GPR26: variants seen among roughly 807,000 people sequenced by gnomAD.
GPR26 encodes the protein G protein-coupled receptor 26.
GPR26 carries 15 observed loss-of-function variants against 23.1 expected under a neutral mutation model. The observed-to-expected ratio is 0.65, with a 90% confidence interval of 0.43 to 1.00. The LOEUF is 1.00. Among genes scored for constraint, GPR26 ranks in the 50% least tolerant of loss-of-function variants. The probability of loss-of-function intolerance (pLI) is 0.00; values close to 1 mark genes in which losing one functional copy is unlikely to be tolerated. For missense variants in GPR26, 359 were observed against 470.5 expected, an observed-to-expected ratio of 0.76 and a Z score of 2.19; for synonymous variants, 228 against 222.1, an observed-to-expected ratio of 1.03 and a Z score of -0.24.
At chr10:123,675,833 C>CGTGTGTGTGTGTACGTGTGTGTGT (rs1554863877) in intron 2 of GPR26, among the ~76,000 whole-genome samples, 1 of 134,096 alleles carries the variant, frequency 7.5e-6, no homozygotes, top group Non-Finnish European at 1.6e-5. Context: ...TGTGTGTGTA[C>CGTGTGTGTGTGTACGTGTGTGTGT]GTGTGTGTGT....
chr10:123,670,459 C>CTTAG (rs1845236422), intron 1 of GPR26, among the ~76,000 whole-genome samples: 1 of 152,232 alleles, frequency 6.6e-6, no homozygotes, highest in Non-Finnish European at 1.5e-5. Context: ...TCTATAGAGA[C>CTTAG]TTAGATGTTC....
rs940316528 is a variant in GPR26, at chr10:123,695,377, A to C, written c.*7217A>C. 2.6e-5 allele frequency among the ~76,000 whole-genome samples: 4 copies of C among 152,164 alleles called. No homozygotes were observed. The highest frequency in any genetic ancestry group is 5.9e-5 in the Non-Finnish European group (4 of 68,026). On this transcript the variant is annotated 3_prime_UTR_variant, in exon 3 of 3. Coordinates refer to ENST00000284674, the MANE Select transcript of GPR26 (RefSeq NM_153442.4). Reference sequence around the variant, plus strand: ...CTGTTGTACTCATTCCCTGGCACGGAAGAATTGTTGCACATCTTTAATAGA... The same window carrying C: ...CTGTTGTACTCATTCCCTGGCACGGCAGAATTGTTGCACATCTTTAATAGA...
At chr10:123,676,611 C>T (rs936958163) in intron 2 of GPR26, among the ~76,000 whole-genome samples, 10 of 152,220 alleles carry the variant, frequency 6.6e-5, no homozygotes, top group Non-Finnish European at 8.8e-5. Context: ...AGACCCACCA[C>T]ATCTAGCCAG....
In GPR26 at chr10:123,692,263, C is replaced by T. The variant is rs900019738; in HGVS notation, c.*4103C>T. The stretch of plus-strand genomic sequence containing the variant: ...GGGGGCACTTGCTTGGGTCTTGGAT[C>T]AAACTCTACTGGGGCAGCCTGGCTG... On this transcript the variant is annotated 3_prime_UTR_variant, in exon 3 of 3. Coordinates refer to ENST00000284674, the MANE Select transcript of GPR26 (RefSeq NM_153442.4). 1.3e-5 allele frequency: 2 copies of T among 152,292 alleles called. No individual in the cohort carries two copies. Among genetic ancestry groups the T allele is most frequent in the Non-Finnish European group, 2.9e-5 (2 of 68,072 alleles). The allele number at this position is 152,292 out of a possible 1,614,324, so 9.4% of individuals were successfully genotyped here. A position where few individuals can be genotyped will look rare whatever the true frequency, so the allele number is the denominator to read the frequency against.
At chr10:123,676,603 A>G (rs1589926155) in intron 2 of GPR26, among the ~76,000 whole-genome samples, 1 of 152,156 alleles carries the variant, frequency 6.6e-6, no homozygotes, top group Non-Finnish European at 1.5e-5. Flanking sequence ...AGTAGTCTAG[A>G]CCCACCACAT....
intron 2 of GPR26, among the ~76,000 whole-genome samples, chr10:123,685,165 TG>T (rs1845417723): frequency 6.6e-6 from 1 of 152,082 alleles, no homozygotes; most frequent in Non-Finnish European, 1.5e-5. Flanking sequence ...TGGGCAGAAT[TG>T]TAATGCCCCT....
chr10:123,688,144 T>C lies in GPR26; in HGVS notation c.998T>C (p.Leu333Pro), dbSNP rs1845450162. The part of the protein sequence containing the change: ...LTGDSHSQNI[L>P]PVSE ...GGCGACTCTCACAGCCAGAACATTC[T>C]GCCGGTGTCTGAGTGAAGGACCGCG... is the stretch of plus-strand genomic sequence containing the variant. The change falls in exon 3 of 3, where the codon CTG (leucine) becomes CCG (proline). Residue 333 changes from leucine (L) to proline (P), a missense_variant. Leu to Pro is a moderately conservative substitution (Grantham distance 98). Coordinates refer to ENST00000284674, the MANE Select transcript of GPR26 (RefSeq NM_153442.4). The C allele has an allele frequency of 1.4e-6, 2 of 1,469,684 alleles. No individual in the cohort carries two copies. The highest frequency in any genetic ancestry group is 1.8e-6 in the Non-Finnish European group (2 of 1,089,956). The allele number at this position is 1,469,684 out of a possible 1,614,324, so 91.0% of individuals were successfully genotyped here. A position where few individuals can be genotyped will look rare whatever the true frequency, so the allele number is the denominator to read the frequency against.
rs981267761 is a variant in GPR26 at position 123,695,338 on chromosome 10, T to C, written c.*7178T>C. Among the ~76,000 whole-genome samples, 2 of 152,210 alleles carry C rather than the reference T, an allele frequency of 1.3e-5. No individual in the cohort carries two copies. Among genetic ancestry groups the C allele is most frequent in the Admixed American group, 6.5e-5 (1 of 15,286 alleles). On this transcript the variant is annotated 3_prime_UTR_variant, in exon 3 of 3. Coordinates refer to ENST00000284674, the MANE Select transcript of GPR26 (RefSeq NM_153442.4). ...GGTATTTCCTGTGTCCTCTCATGCA[T>C]GCTCAGCATGTCACTGTTGTACTCA... is the stretch of plus-strand genomic sequence containing the variant.
chr10:123,668,776 T>C (rs1258385301), intron 1 of GPR26, among the ~76,000 whole-genome samples: 1 of 152,182 alleles, frequency 6.6e-6, no homozygotes, highest in Non-Finnish European at 1.5e-5. Flanking sequence ...TAAAGACTCC[T>C]AGAGGGGGCC....
chr10:123,669,444 C>T (rs1845226275), intron 1 of GPR26, among the ~76,000 whole-genome samples: 1 of 152,210 alleles, frequency 6.6e-6, no homozygotes, highest in Non-Finnish European at 1.5e-5. Flanking sequence ...TCAGGGGCTG[C>T]CCCAGGCACC....
At chr10:123,667,410 G>C (rs1282970120) in intron 1 of GPR26, among the ~76,000 whole-genome samples, 3 of 152,196 alleles carry the variant, frequency 2.0e-5, no homozygotes, top group African/African-American at 7.2e-5. Flanking sequence ...CGTGGTCTTT[G>C]TTCCCTATTA....
rs931571238 is a variant in GPR26 at position 123,695,327 on chromosome 10, C to T, written c.*7167C>T. The stretch of plus-strand genomic sequence containing the variant: ...CACCAGCGTGTGGTATTTCCTGTGT[C>T]CTCTCATGCATGCTCAGCATGTCAC... On this transcript the variant is annotated 3_prime_UTR_variant, in exon 3 of 3. Transcript: ENST00000284674. 6.6e-6 allele frequency among the ~76,000 whole-genome samples: 1 copy of T among 152,166 alleles called. No individual in the cohort carries two copies. The highest frequency in any genetic ancestry group is 1.9e-4 in the East Asian group (1 of 5,206).
intron 2 of GPR26, among the ~76,000 whole-genome samples, chr10:123,681,902 TA>T (rs1290573616): frequency 6.6e-6 from 1 of 152,162 alleles, no homozygotes; most frequent in Non-Finnish European, 1.5e-5. Context: ...TTTAACAAGG[TA>T]AGTGCTAGAA....
intron 2 of GPR26, among the ~76,000 whole-genome samples, chr10:123,677,600 C>T (rs1040300360): frequency 2.7e-4 from 41 of 152,160 alleles, no homozygotes; most frequent in South Asian, 2.1e-4. Flanking sequence ...TGGGTTGGTG[C>T]GACCCCGGGA....
chr10:123,680,182 G>A (rs948422631), intron 2 of GPR26, among the ~76,000 whole-genome samples: 1 of 152,246 alleles, frequency 6.6e-6, no homozygotes, highest in Non-Finnish European at 1.5e-5. Context: ...CCTGTTCCGA[G>A]TCAGATCCCT....
intron 2 of GPR26, among the ~76,000 whole-genome samples, chr10:123,677,040 G>A (rs906428008): frequency 2.0e-5 from 3 of 152,206 alleles, no homozygotes; most frequent in East Asian, 1.9e-4. Flanking sequence ...CACACAGAGT[G>A]CCTCCTCTTA....
At chr10:123,676,068 C>T (rs185733537) in intron 2 of GPR26, among the ~76,000 whole-genome samples, 10 of 152,254 alleles carry the variant, frequency 6.6e-5, no homozygotes, top group Admixed American at 4.6e-4. Context: ...TGGCCTCTGC[C>T]GCTGCTCCCA....
intron 2 of GPR26, among the ~76,000 whole-genome samples, chr10:123,684,502 G>A (rs1845410727): frequency 6.6e-6 from 1 of 152,180 alleles, no homozygotes; most frequent in African/African-American, 2.4e-5. Flanking sequence ...CTCTAACACA[G>A]AAAGACCTCT....
chr10:123,685,309 G>A (rs891011109), intron 2 of GPR26, among the ~76,000 whole-genome samples: 1 of 152,220 alleles, frequency 6.6e-6, no homozygotes, highest in Admixed American at 6.5e-5. Context: ...CCCGGATCTG[G>A]AATTAGAAAG....
Sources: allele counts gnomAD v4.1 joint callset (sites outside exome capture counted in the v4.1 genomes callset), GRCh38; gene constraint gnomAD v4.1.1; transcripts MANE v1.5; gene names NCBI Gene and HGNC (gene_info 2026-07-23, HGNC 2026-07-21).